MCM10: variants seen among roughly 807,000 people sequenced by gnomAD.
MCM10 encodes protein MCM10 homolog.
In MCM10, 91 loss-of-function variants were observed where a neutral mutation model predicts 109.9. The ratio of observed to expected loss-of-function variants is 0.83; its 90% CI spans 0.70 to 0.99. The LOEUF is 0.99. Among genes scored for constraint, MCM10 ranks in the 50% least tolerant of loss-of-function variants. The pLI is 0.00. For missense variants in MCM10, 1,077 were observed against 1,061.2 expected (o/e 1.01, Z -0.21); for synonymous variants, 380 against 387.2 (o/e 0.98, Z 0.22).
At chr10:13,186,096 T>G (rs1834271162) in intron 8 of MCM10, 68 bp from the exon 9 acceptor site, 1 of 871,854 alleles carries the variant, frequency 1.1e-6, no homozygotes. Flanking sequence ...CCATTCTTTT[T>G]TCTATTCCTG....
chr10:13,180,737 C>G, intron 7 of MCM10, 130 bp downstream of exon 7: 1 of 1,057,532 alleles, frequency 9.5e-7, no homozygotes, highest in Non-Finnish European at 1.4e-6. Context: ...CCAGAATCAC[C>G]ACACATCATT....
At chr10:13,202,946 G>A (rs539886970) in intron 17 of MCM10, among the ~76,000 whole-genome samples, 2 of 152,258 alleles carry the variant, frequency 1.3e-5, no homozygotes, top group South Asian at 4.2e-4. Flanking sequence ...CCTGGTTCAA[G>A]CGATTCTCGT....
intron 2 of MCM10, among the ~76,000 whole-genome samples, chr10:13,168,822 A>G (rs1834034353): frequency 6.6e-6 from 1 of 152,224 alleles, no homozygotes; most frequent in Non-Finnish European, 1.5e-5. Flanking sequence ...AGCTCTAGTG[A>G]GAGTGATACA....
At chr10:13,183,167 T>G in intron 8 of MCM10, 67 bp downstream of exon 8, 1 of 1,551,480 alleles carries the variant, frequency 6.4e-7, no homozygotes, top group South Asian at 1.1e-5. Context: ...TTATCAAAGA[T>G]GTTTGATGCA....
At chr10:13,174,273 G>T (rs1255154794) in intron 5 of MCM10, among the ~76,000 whole-genome samples, 1 of 150,918 alleles carries the variant, frequency 6.6e-6, no homozygotes, top group Non-Finnish European at 1.5e-5. Flanking sequence ...CTCTGGAGTA[G>T]CATGCCCCAC....
intron 15 of MCM10, among the ~76,000 whole-genome samples, chr10:13,198,059 C>A (rs572206903): frequency 5.3e-5 from 8 of 151,984 alleles, no homozygotes; most frequent in South Asian, 4.2e-4. Context: ...ACTACAAGCG[C>A]GCGCCACCAC....
chr10:13,181,653 C>T (rs892999049), intron 7 of MCM10, among the ~76,000 whole-genome samples: 6 of 152,152 alleles, frequency 3.9e-5, no homozygotes, highest in African/African-American at 1.4e-4. Flanking sequence ...CAAACCTGCA[C>T]ATCCTGCACA....
Position 13,175,573 on chromosome 10 carries a change from G to A in MCM10, c.656G>A (p.Arg219Gln), listed in dbSNP as rs756598324. 3.0e-5 allele frequency: 48 copies of A among 1,614,086 alleles called. No individual in the cohort carries two copies. The Admixed American group carries it at 4.7e-4, about 16-fold the overall frequency. ...APSQPLQTIS[R>Q]NKPSGITRGQ... ...TCCCAACCCCTACAGACGATTTCTC[G>A]GAACAAACCTAGTGGGATAACTAGA... The change falls in exon 6 of 20, where the codon CGG becomes CAG. Residue 219 changes from arginine (R) to glutamine (Q), a missense_variant. Transcript: ENST00000378714.
chr10:13,208,654 A>G (rs1391829819), intron 18 of MCM10, among the ~76,000 whole-genome samples: 2 of 152,138 alleles, frequency 1.3e-5, no homozygotes, highest in Non-Finnish European at 2.9e-5. Context: ...CCAGACTAGA[A>G]AGAAGATTAT....
chr10:13,171,722 C>T (rs1834076060), intron 3 of MCM10, among the ~76,000 whole-genome samples: 1 of 151,942 alleles, frequency 6.6e-6, no homozygotes, highest in African/African-American at 2.4e-5. Flanking sequence ...CAGAAGCCAG[C>T]ATTTATTATA....
intron 6 of MCM10, among the ~76,000 whole-genome samples, chr10:13,178,870 C>T (rs1469631234): frequency 6.6e-6 from 1 of 152,196 alleles, no homozygotes; most frequent in East Asian, 1.9e-4. Context: ...TTGGTATCCT[C>T]TTTAATTTCT....
At chr10:13,185,895 G>A (rs1352116948) in intron 8 of MCM10, among the ~76,000 whole-genome samples, 1 of 152,040 alleles carries the variant, frequency 6.6e-6, no homozygotes, top group Non-Finnish European at 1.5e-5. Context: ...CAAGTAACTG[G>A]GACTACATGC....
intron 2 of MCM10, among the ~76,000 whole-genome samples, chr10:13,166,194 G>A (rs1833994563): frequency 6.6e-6 from 1 of 152,108 alleles, no homozygotes; most frequent in South Asian, 2.1e-4. Context: ...GAGAAGCTGA[G>A]AAGTGGGACC....
chr10:13,204,386 CT>C (rs1283040608), intron 18 of MCM10, 22 bp downstream of exon 18: 1 of 1,611,880 alleles, frequency 6.2e-7, no homozygotes, highest in Admixed American at 1.7e-5. Flanking sequence ...ACCTGGAGCT[CT>C]TTGTCCCACG....
intron 6 of MCM10, among the ~76,000 whole-genome samples, chr10:13,176,465 C>G (rs2131563592): frequency 6.6e-6 from 1 of 152,322 alleles, no homozygotes; most frequent in East Asian, 1.9e-4. Flanking sequence ...TTAGCACAGT[C>G]CATTTGAGGA....
intron 2 of MCM10, among the ~76,000 whole-genome samples, chr10:13,167,275 A>C (rs78223216): frequency 0.024 from 3,599 of 152,256 alleles, 122 homozygotes; most frequent in African/African-American, 0.082. Flanking sequence ...CAGGGAGGGC[A>C]TTAGGGGCAG....
Position 13,195,173 on chromosome 10 carries a change from G to A in MCM10, c.1878G>A (p.Lys626=). 6.2e-7 allele frequency: 1 copy of A among 1,614,100 alleles called. No homozygotes were observed. The highest frequency in any genetic ancestry group is 8.5e-7 in the Non-Finnish European group (1 of 1,180,026). Residue 626 remains lysine, a synonymous_variant, in exon 14 of 20, where the codon AAG becomes AAA. Coordinates refer to ENST00000378714, the MANE Select transcript of MCM10 (RefSeq NM_018518.5). ...GAGCCCCGGCCACAATGACGCCCAA[G>A]CTGGGGCGAGGTGTCTTGGAAGGAG... The part of the protein sequence containing the change: ...LEGAPATMTP[K]LGRGVLEGDD...
intron 8 of MCM10, among the ~76,000 whole-genome samples, chr10:13,185,729 A>G (rs1212357037): frequency 6.6e-6 from 1 of 152,216 alleles, no homozygotes; most frequent in Admixed American, 6.5e-5. Context: ...TAAAACGGTT[A>G]TAGAGCCCTG....
In MCM10 at chr10:13,180,423, C is replaced by T. The variant is rs766581526; in HGVS notation, c.765-19C>T. On this transcript the variant is annotated intron_variant, in intron 6 of 19. Coordinates refer to ENST00000378714, the MANE Select transcript of MCM10 (RefSeq NM_018518.5). ...CTTTATTAGAATCATAATTACTAAT[C>T]GCTGGTTTCTTAACCCAGGCGGCCT... The T allele has an allele frequency of 5.6e-6, 9 of 1,600,738 alleles. No homozygotes were observed. The highest frequency in any genetic ancestry group is 2.7e-5 in the African/African-American group (2 of 73,872).
Sources: allele counts gnomAD v4.1 joint callset (sites outside exome capture counted in the v4.1 genomes callset), GRCh38; gene constraint gnomAD v4.1.1; transcripts MANE v1.5; gene names NCBI Gene and HGNC (gene_info 2026-07-23, HGNC 2026-07-21).